Variants in GLIS3 observed in about 807,000 individuals in gnomAD.
The protein encoded by GLIS3 is GLIS family zinc finger 3, also known as zinc finger protein GLIS3.
GLIS3 carries 53 observed loss-of-function variants against 78.6 expected under a neutral mutation model. The observed-to-expected ratio is 0.67, with a 90% confidence interval of 0.54 to 0.85. The LOEUF is 0.85. Among genes scored for constraint, GLIS3 ranks in the 40% least tolerant of loss-of-function variants. The pLI, the probability that GLIS3 is intolerant of heterozygous loss-of-function variation, is 0.00. For missense variants in GLIS3, 1,703 were observed against 1,231.1 expected, an observed-to-expected ratio of 1.38 and a Z score of -5.74; for synonymous variants, 684 against 509.9, an observed-to-expected ratio of 1.34 and a Z score of -4.60.
chr9:4,403,027 A>G, the GLIS3 span, among the ~76,000 whole-genome samples: 30 of 152,340 alleles, frequency 2.0e-4, no homozygotes, highest in Middle Eastern at 3.4e-3. Flanking sequence ...TTATTAATCA[A>G]ACACTCAAAG....
the GLIS3 span, among the ~76,000 whole-genome samples, chr9:4,449,521 G>C: frequency 1.3e-5 from 2 of 152,226 alleles, no homozygotes; most frequent in African/African-American, 2.4e-5. Flanking sequence ...GCCTCCTCAA[G>C]TGGGTCCCTG....
the GLIS3 span, among the ~76,000 whole-genome samples, chr9:4,469,684 G>A: frequency 6.6e-6 from 1 of 152,144 alleles, no homozygotes; most frequent in African/African-American, 2.4e-5. Flanking sequence ...GAGAAAGCAG[G>A]AAAGATCTAA....
chr9:4,360,960 T>G, the GLIS3 span, among the ~76,000 whole-genome samples: 15 of 152,366 alleles, frequency 9.8e-5, no homozygotes, highest in African/African-American at 3.4e-4. Context: ...CCAAATAGCC[T>G]TGACCTCATT....
At chr9:4,453,517 G>A in the GLIS3 span, among the ~76,000 whole-genome samples, 2 of 151,984 alleles carry the variant, frequency 1.3e-5, no homozygotes, top group Non-Finnish European at 2.9e-5. Flanking sequence ...GTGGGCAAAG[G>A]ATATGAACAG....
intron 4 of GLIS3, among the ~76,000 whole-genome samples, chr9:4,066,336 G>T (rs1449897812): frequency 6.6e-6 from 1 of 152,054 alleles, no homozygotes; most frequent in East Asian, 1.9e-4. Context: ...CACCGTGGGT[G>T]GGAAATCCTC....
chr9:3,902,006 CTACTCTAGGGTTTTATAGT>C (rs1221510124), intron 6 of GLIS3, among the ~76,000 whole-genome samples: 1 of 152,178 alleles, frequency 6.6e-6, no homozygotes, highest in Non-Finnish European at 1.5e-5. Flanking sequence ...CTATTACCAA[CTACTCTAGGGTTTTATAGT>C]TACCCGTACC....
chr9:3,828,479 G>A (rs1311986311), intron 10 of GLIS3, 71 bp from the exon 11 acceptor site: 11 of 1,586,604 alleles, frequency 6.9e-6, no homozygotes, highest in Non-Finnish European at 8.6e-6. Context: ...ATGCACTACA[G>A]TAATGCAGCT....
At chr9:4,366,030 C>A in the GLIS3 span, among the ~76,000 whole-genome samples, 4 of 152,086 alleles carry the variant, frequency 2.6e-5, no homozygotes, top group Non-Finnish European at 5.9e-5. Flanking sequence ...GAAGGAAAGG[C>A]CGTTGAAAAT....
intron 7 of GLIS3, among the ~76,000 whole-genome samples, chr9:3,891,611 A>G (rs890055822): frequency 1.3e-5 from 2 of 152,176 alleles, no homozygotes; most frequent in Non-Finnish European, 1.5e-5. Context: ...CTGAGGCAGG[A>G]GGATGACTTG....
intron 4 of GLIS3, chr9:4,071,132 A>C (rs958906367): frequency 5.9e-5 from 9 of 152,250 alleles, no homozygotes; most frequent in African/African-American, 2.2e-4. Context: ...ATCACAAAGT[A>C]GTCCTTGAAT....
chr9:4,289,720 A>T (rs1352174550), intron 1 of GLIS3, among the ~76,000 whole-genome samples: 1 of 152,140 alleles, frequency 6.6e-6, no homozygotes, highest in Non-Finnish European at 1.5e-5. Flanking sequence ...ATAAATTAGG[A>T]TATTTTGGAT....
At chr9:3,992,538 T>C (rs1353606101) in intron 4 of GLIS3, among the ~76,000 whole-genome samples, 1 of 152,210 alleles carries the variant, frequency 6.6e-6, no homozygotes, top group Non-Finnish European at 1.5e-5. Context: ...GTTTATGAGA[T>C]AGAGTTGGTA....
At chr9:4,146,565 C>A (rs1180323985) in intron 2 of GLIS3, among the ~76,000 whole-genome samples, 1 of 152,092 alleles carries the variant, frequency 6.6e-6, no homozygotes, top group Non-Finnish European at 1.5e-5. Context: ...AGTATGTGCT[C>A]ACAAATACAT....
intron 2 of GLIS3, among the ~76,000 whole-genome samples, chr9:4,218,669 G>A (rs754245849): frequency 6.6e-6 from 1 of 152,088 alleles, no homozygotes; most frequent in African/African-American, 2.4e-5. Flanking sequence ...CTTGAGATGT[G>A]GCTAGTGCAA....
chr9:3,965,232 T>G (rs1359620677), intron 4 of GLIS3, among the ~76,000 whole-genome samples: 1 of 134,360 alleles, frequency 7.4e-6, no homozygotes, highest in Non-Finnish European at 1.6e-5. Flanking sequence ...TCTCGCTCAG[T>G]GCCCAGGCTG....
At chr9:4,022,402 C>A (rs1213825994) in intron 4 of GLIS3, among the ~76,000 whole-genome samples, 1 of 152,152 alleles carries the variant, frequency 6.6e-6, no homozygotes, top group East Asian at 1.9e-4. Context: ...ATGGAAAAAT[C>A]CTTATCCAGT....
At chr9:3,958,526 A>C (rs1339268789) in intron 4 of GLIS3, among the ~76,000 whole-genome samples, 1 of 152,184 alleles carries the variant, frequency 6.6e-6, no homozygotes, top group Non-Finnish European at 1.5e-5. Flanking sequence ...CTATTCCAAC[A>C]GTCTTAAAAG....
intron 4 of GLIS3, among the ~76,000 whole-genome samples, chr9:4,080,741 A>G (rs1378024421): frequency 6.6e-6 from 1 of 152,308 alleles, no homozygotes; most frequent in East Asian, 1.9e-4. Flanking sequence ...ATGTCAACAA[A>G]AGAGAGAAGT....
chr9:4,292,227 G>A (rs1289340670), intron 1 of GLIS3, among the ~76,000 whole-genome samples: 1 of 152,122 alleles, frequency 6.6e-6, no homozygotes, highest in East Asian at 1.9e-4. Flanking sequence ...TTGTTCAACG[G>A]AGAAAGCATT....
Sources: gnomAD v4.1 joint callset for allele counts (sites outside exome capture counted in the v4.1 genomes callset) on GRCh38, gnomAD v4.1.1 for gene constraint, MANE v1.5 for transcripts, NCBI Gene and HGNC (gene_info 2026-07-23, HGNC 2026-07-21) for gene names.